GABRG3: variants seen among roughly 807,000 people sequenced by gnomAD.
GABRG3 encodes gamma-aminobutyric acid type A receptor subunit gamma3.
Under a neutral mutation model 48.8 loss-of-function variants are expected in GABRG3, and 25 were observed. The observed-to-expected ratio is 0.51, with a 90% CI of 0.37 to 0.72. The LOEUF (loss-of-function observed/expected upper bound fraction) is 0.72, where lower values mean the gene tolerates loss of function less well. GABRG3 is among the 30% of genes least tolerant of loss of function. GABRG3 has a pLI of 0.00. For synonymous variants in GABRG3, 227 were observed against 217.6 expected, an observed-to-expected ratio of 1.04 and a Z score of -0.38; for missense variants, 394 against 577.9, an observed-to-expected ratio of 0.68 and a Z score of 3.26.
At chr15:27,307,093 TATA>T (rs1216857121) in intron 3 of GABRG3, among the ~76,000 whole-genome samples, 8 of 119,732 alleles carry the variant, frequency 6.7e-5, no homozygotes, top group African/African-American at 2.6e-4. Context: ...TATATAAACA[TATA>T]ATATAAACAT....
chr15:27,273,989 T>G (rs902243607), intron 3 of GABRG3, among the ~76,000 whole-genome samples: 1 of 152,158 alleles, frequency 6.6e-6, no homozygotes, highest in African/African-American at 2.4e-5. Context: ...AAGGAGGATC[T>G]CCTCCCAAGC....
chr15:27,368,679 G>A (rs77357802), intron 5 of GABRG3, among the ~76,000 whole-genome samples: 4,368 of 152,218 alleles, frequency 0.029, 99 homozygotes, highest in Non-Finnish European at 0.045. Flanking sequence ...CTTCCTCAGG[G>A]GCACACAGAG....
chr15:27,161,133 A>G (rs779098218), intron 3 of GABRG3: 2 of 151,930 alleles, frequency 1.3e-5, no homozygotes, highest in Non-Finnish European at 2.9e-5. Flanking sequence ...GACCCATCGT[A>G]TGTTACTACT....
chr15:27,163,082 A>G (rs1227248706), intron 3 of GABRG3, among the ~76,000 whole-genome samples: 1 of 151,694 alleles, frequency 6.6e-6, no homozygotes, highest in Non-Finnish European at 1.5e-5. Context: ...TGCTCCCTAC[A>G]TTACCTCTCA....
intron 3 of GABRG3, chr15:27,280,402 A>G (rs1306023875): frequency 2.0e-5 from 3 of 152,180 alleles, no homozygotes; most frequent in African/African-American, 7.2e-5. Flanking sequence ...AGATCAGACT[A>G]GATTGGAAAT....
chr15:27,217,211 A>G (rs8025513), intron 3 of GABRG3, among the ~76,000 whole-genome samples: 9,591 of 152,236 alleles, frequency 0.063, 559 homozygotes, highest in East Asian at 0.16. Flanking sequence ...CTATAAAGAC[A>G]CTTGCACACG....
At chr15:27,162,465 A>G (rs1887226714) in intron 3 of GABRG3, among the ~76,000 whole-genome samples, 1 of 152,158 alleles carries the variant, frequency 6.6e-6, no homozygotes, top group South Asian at 2.1e-4. Context: ...GCCACTGGCC[A>G]CTGTGCAGCT....
intron 3 of GABRG3, among the ~76,000 whole-genome samples, chr15:27,278,864 G>A (rs1595633141): frequency 6.6e-6 from 1 of 152,114 alleles, no homozygotes; most frequent in East Asian, 1.9e-4. Context: ...CTTTTGTTTT[G>A]TTTTGTTTTG....
chr15:27,388,157 A>AGAAAGGAAGGAAGGAAG (rs1896035986), intron 5 of GABRG3, among the ~76,000 whole-genome samples: 3 of 49,570 alleles, frequency 6.1e-5, no homozygotes, highest in Non-Finnish European at 1.0e-4. Context: ...GAAGGAAGGA[A>AGAAAGGAAGGAAGGAAG]GAAAGGAAGG....
At chr15:27,425,984 A>G (rs2140617660) in intron 5 of GABRG3, among the ~76,000 whole-genome samples, 1 of 152,332 alleles carries the variant, frequency 6.6e-6, no homozygotes, top group East Asian at 1.9e-4. Flanking sequence ...ATCTGGCTAC[A>G]ATGGCAATGG....
intron 3 of GABRG3, among the ~76,000 whole-genome samples, chr15:27,316,967 G>A (rs1005004007): frequency 3.9e-5 from 6 of 152,170 alleles, no homozygotes; most frequent in African/African-American, 1.2e-4. Context: ...ACTGTCTATT[G>A]TTTATACAGA....
intron 3 of GABRG3, among the ~76,000 whole-genome samples, chr15:27,128,220 G>T (rs1422168237): frequency 6.6e-6 from 1 of 152,170 alleles, no homozygotes; most frequent in Non-Finnish European, 1.5e-5. Context: ...AATGTGGTTT[G>T]TTATTGCGAA....
At position 27,382,991 on chromosome 15, in the gene GABRG3, G is replaced by A. The variant is rs140875396; in HGVS notation, c.574+54103G>A. Reference sequence around the variant, plus strand: ...CCAAATATAAATTTGGAAGTCATAAGCAAGGAATAGACTTTTACAGCCTTG... The same window carrying A: ...CCAAATATAAATTTGGAAGTCATAAACAAGGAATAGACTTTTACAGCCTTG... On this transcript the variant is annotated intron_variant, in intron 5 of 9. Transcript: ENST00000615808. Among the ~76,000 whole-genome samples the A allele has an allele frequency of 4.6e-5, 7 of 152,274 alleles. No individual in the cohort carries two copies. The East Asian group carries it at 1.2e-3, about 25-fold the overall frequency.
Position 27,005,935 on chromosome 15 carries a change from T to A in GABRG3, c.203-20819T>A, listed in dbSNP as rs536997832. On this transcript the variant is annotated intron_variant, in intron 2 of 9. Transcript: ENST00000615808. The stretch of plus-strand genomic sequence containing the variant: ...TTTCCATAAAAATTAACTTGATATA[T>A]ATGTTCACCAGCAGTGCATCAGAGT... 3.3e-5 allele frequency among the ~76,000 whole-genome samples: 5 copies of A among 152,322 alleles called. No individual in the cohort carries two copies. In the South Asian group the frequency reaches 1.0e-3, roughly 32 times the overall value.
chr15:27,158,375 A>G (rs1898489794), intron 3 of GABRG3: 2 of 152,192 alleles, frequency 1.3e-5, no homozygotes, highest in African/African-American at 4.8e-5. Context: ...CCCCTCAATT[A>G]AAACCCATAC....
chr15:27,154,619 T>C (rs1385992744), intron 3 of GABRG3, among the ~76,000 whole-genome samples: 1 of 152,222 alleles, frequency 6.6e-6, no homozygotes, highest in Non-Finnish European at 1.5e-5. Flanking sequence ...AGCCTGTTAA[T>C]GTGGAAGATT....
chr15:27,337,080 G>T (rs1184234951), intron 5 of GABRG3, among the ~76,000 whole-genome samples: 1 of 152,170 alleles, frequency 6.6e-6, no homozygotes, highest in East Asian at 1.9e-4. Context: ...TTATTAAAAT[G>T]ACAGTACTCT....
At chr15:27,498,398 A>C (rs1234574786) in intron 6 of GABRG3, among the ~76,000 whole-genome samples, 1 of 150,802 alleles carries the variant, frequency 6.6e-6, no homozygotes, top group Non-Finnish European at 1.5e-5. Flanking sequence ...ATTTGTTTTT[A>C]TTTTCTTCTG....
At chr15:27,346,704 G>A (rs1288458835) in intron 5 of GABRG3, among the ~76,000 whole-genome samples, 5 of 151,422 alleles carry the variant, frequency 3.3e-5, no homozygotes. Context: ...TCTTTCCTTG[G>A]CTGTGTCAAT....
Sources: allele counts gnomAD v4.1 joint callset (sites outside exome capture counted in the v4.1 genomes callset), GRCh38; gene constraint gnomAD v4.1.1; transcripts MANE v1.5; gene names NCBI Gene and HGNC (gene_info 2026-07-23, HGNC 2026-07-21).